SCAPER: variants seen among roughly 807,000 people sequenced by gnomAD.
SCAPER encodes S-phase cyclin A associated protein in the ER, also known as S phase cyclin A-associated protein in the endoplasmic reticulum.
SCAPER carries 98 observed loss-of-function variants against 182.2 expected under a neutral mutation model. The ratio of observed to expected loss-of-function variants is 0.54; its 90% CI spans 0.46 to 0.64. The LOEUF is 0.64. SCAPER is among the 30% of genes least tolerant of loss of function. The pLI is 0.00. For missense variants in SCAPER, 1,432 were observed against 1,690.0 expected, an observed-to-expected ratio of 0.85 and a Z score of 2.68; for synonymous variants, 605 against 564.6, an observed-to-expected ratio of 1.07 and a Z score of -1.01.
intron 15 of SCAPER, among the ~76,000 whole-genome samples, chr15:76,735,791 G>T (rs976153223): frequency 1.3e-4 from 19 of 151,498 alleles, no homozygotes; most frequent in African/African-American, 4.6e-4. Context: ...TAGCACTGAA[G>T]AATTTGACAA....
intron 29 of SCAPER, among the ~76,000 whole-genome samples, chr15:76,370,976 T>A (rs1173452228): frequency 6.6e-6 from 1 of 152,180 alleles, no homozygotes; most frequent in East Asian, 1.9e-4. Context: ...CCCCCACCGC[T>A]AGCCAAGGTG....
chr15:76,554,654 AAAG>A, intron 23 of SCAPER, among the ~76,000 whole-genome samples: 1 of 152,268 alleles, frequency 6.6e-6, no homozygotes, highest in Admixed American at 6.5e-5. Flanking sequence ...TAAAATAAAA[AAAG>A]AAAGAAACAG....
chr15:76,761,542 C>T (rs922662168), intron 14 of SCAPER, among the ~76,000 whole-genome samples: 1 of 152,152 alleles, frequency 6.6e-6, no homozygotes, highest in East Asian at 1.9e-4. Context: ...CCTTTATTTC[C>T]TTTTACCAAA....
At chr15:76,781,357 C>T (rs369971941) in intron 8 of SCAPER, among the ~76,000 whole-genome samples, 4 of 152,032 alleles carry the variant, frequency 2.6e-5, no homozygotes, top group African/African-American at 4.8e-5. Context: ...TAAAAAGAAA[C>T]GAACAAAGCC....
At chr15:76,709,549 G>A (rs1344910951) in intron 17 of SCAPER, among the ~76,000 whole-genome samples, 2 of 152,022 alleles carry the variant, frequency 1.3e-5, no homozygotes, top group Non-Finnish European at 2.9e-5. Context: ...CAAAAACAAG[G>A]GGAAAAAAAC....
chr15:76,705,788 T>C (rs1181515836), intron 18 of SCAPER, 115 bp downstream of exon 18: 1 of 686,704 alleles, frequency 1.5e-6, no homozygotes, highest in African/African-American at 1.9e-5. Context: ...CATATAAGCT[T>C]TGTTGTGCAA....
chr15:76,860,037 A>G (rs908200248), intron 3 of SCAPER, among the ~76,000 whole-genome samples: 3 of 152,174 alleles, frequency 2.0e-5, no homozygotes, highest in Non-Finnish European at 4.4e-5. Context: ...TTTTATTGTT[A>G]CAATAGTCAC....
intron 1 of SCAPER, among the ~76,000 whole-genome samples, chr15:76,901,725 T>C (rs2074798421): frequency 2.5e-4 from 1 of 4,042 alleles, no homozygotes; most frequent in South Asian, 0.014. Context: ...TTCTAATAAT[T>C]TTTTTTTTTT....
intron 22 of SCAPER, among the ~76,000 whole-genome samples, chr15:76,608,585 C>A (rs1236398471): frequency 6.6e-6 from 1 of 152,140 alleles, no homozygotes; most frequent in Non-Finnish European, 1.5e-5. Flanking sequence ...TTACTGCTAT[C>A]TTTTTGTTTG....
chr15:76,506,700 T>TTTTTTTTTTTTTTTTTTTTTTTG (rs2041614354), intron 23 of SCAPER, among the ~76,000 whole-genome samples: 1 of 152,180 alleles, frequency 6.6e-6, no homozygotes, highest in African/African-American at 2.4e-5. Context: ...ATTGTAATCT[T>TTTTTTTTTTTTTTTTTTTTTTTG]AATTACCACC....
At chr15:76,542,166 T>C (rs1451203708) in intron 23 of SCAPER, among the ~76,000 whole-genome samples, 1 of 152,164 alleles carries the variant, frequency 6.6e-6, no homozygotes, top group Non-Finnish European at 1.5e-5. Context: ...TCTCATATTA[T>C]AGATAAATTG....
intron 23 of SCAPER, among the ~76,000 whole-genome samples, chr15:76,541,559 G>A (rs939812978): frequency 6.6e-6 from 1 of 152,120 alleles, no homozygotes; most frequent in African/African-American, 2.4e-5. Context: ...ATGGGCTTAC[G>A]GATTCCTTGA....
chr15:76,384,900 A>C (rs4886799), intron 27 of SCAPER, among the ~76,000 whole-genome samples: 34,092 of 152,192 alleles, frequency 0.22, 4,776 homozygotes, highest in Admixed American at 0.36. Context: ...GTTTATAAGA[A>C]AAAAGTAAAA....
At chr15:76,455,269 C>T (rs1039760518) in intron 25 of SCAPER, among the ~76,000 whole-genome samples, 1 of 152,040 alleles carries the variant, frequency 6.6e-6, no homozygotes, top group Non-Finnish European at 1.5e-5. Flanking sequence ...GTGTACAACT[C>T]GATGTTTTGA....
chr15:76,571,358 G>A (rs1341403986), intron 23 of SCAPER, among the ~76,000 whole-genome samples: 2 of 152,138 alleles, frequency 1.3e-5, no homozygotes, highest in East Asian at 3.9e-4. Context: ...AGTGGCTTAA[G>A]ATTTTTTTTA....
intron 17 of SCAPER, among the ~76,000 whole-genome samples, chr15:76,722,679 T>C (rs1191661330): frequency 6.6e-6 from 1 of 152,208 alleles, no homozygotes; most frequent in Admixed American, 6.5e-5. Flanking sequence ...TCAAGGAATT[T>C]ATCCATTTCT....
chr15:76,428,459 G>A (rs573850128), intron 26 of SCAPER, among the ~76,000 whole-genome samples: 1 of 152,274 alleles, frequency 6.6e-6, no homozygotes, highest in Non-Finnish European at 1.5e-5. Flanking sequence ...AACATGGATG[G>A]ACTTGGAGGT....
At chr15:76,731,130 A>C (rs2060898198) in intron 16 of SCAPER, among the ~76,000 whole-genome samples, 1 of 152,192 alleles carries the variant, frequency 6.6e-6, no homozygotes, top group Non-Finnish European at 1.5e-5. Flanking sequence ...ATGAAGCATG[A>C]CTTTATAAAA....
intron 6 of SCAPER, among the ~76,000 whole-genome samples, chr15:76,802,104 A>G (rs1010280693): frequency 6.6e-6 from 1 of 152,134 alleles, no homozygotes; most frequent in Non-Finnish European, 1.5e-5. Context: ...TGGTGATTAC[A>G]TTACAGACCT....
Sources: gnomAD v4.1 joint callset for allele counts (sites outside exome capture counted in the v4.1 genomes callset) on GRCh38, gnomAD v4.1.1 for gene constraint, MANE v1.5 for transcripts, NCBI Gene and HGNC (gene_info 2026-07-23, HGNC 2026-07-21) for gene names.